The following FRMD4B variants were observed in gnomAD, a reference collection of about 807,000 sequenced individuals.
FRMD4B encodes the protein FERM domain containing 4B, also known as FERM domain-containing protein 4B.
Under a neutral mutation model 141.5 loss-of-function variants are expected in FRMD4B, and 74 were observed. The ratio of observed to expected loss-of-function variants is 0.52; its 90% CI spans 0.43 to 0.63. The LOEUF is 0.63. Ranked by LOEUF, FRMD4B falls within the 30% of genes least tolerant of loss-of-function variation. FRMD4B has a pLI of 0.00. For missense variants in FRMD4B, 1,366 were observed against 1,253.4 expected, an observed-to-expected ratio of 1.09 and a Z score of -1.36; for synonymous variants, 506 against 467.9, an observed-to-expected ratio of 1.08 and a Z score of -1.05.
intron 3 of FRMD4B, among the ~76,000 whole-genome samples, chr3:69,302,976 A>C (rs897937833): frequency 2.0e-5 from 3 of 152,204 alleles, no homozygotes; most frequent in African/African-American, 7.2e-5. Context: ...TGGGAGGCTG[A>C]GGCAGGAGAA....
chr3:69,350,048 G>A (rs556654275), intron 1 of FRMD4B, among the ~76,000 whole-genome samples: 1 of 152,194 alleles, frequency 6.6e-6, no homozygotes, highest in Admixed American at 6.5e-5. Flanking sequence ...CCTATAGAAT[G>A]GGAGAAAATT....
In FRMD4B at chr3:69,195,292, A is replaced by G. The variant is rs1020235757; in HGVS notation, c.1307T>C (p.Leu436Pro). ...TTTTTTCAGAAGTTTTTCTTGTAAT[A>G]GTTTCTCCTTCTTCTTTAGTTCAAG... ...KILELKKKEK[L>P]LQEKLLKKVE... is the part of the protein sequence containing the mutation. Residue 436 changes from leucine (L) to proline (P), a missense_variant, in exon 15 of 23, where the codon CTA becomes CCA. Physicochemically the swap from Leu to Pro is moderately conservative, Grantham distance 98. Transcript: ENST00000398540. 6.2e-7 allele frequency: 1 copy of G among 1,613,310 alleles called. No individual in the cohort carries two copies. Among genetic ancestry groups the G allele is most frequent in the South Asian group, 1.1e-5 (1 of 91,004 alleles).
intron 2 of FRMD4B, among the ~76,000 whole-genome samples, chr3:69,429,976 G>T (rs1006324540): frequency 7.9e-5 from 12 of 151,740 alleles, no homozygotes; most frequent in African/African-American, 2.7e-4. Context: ...GACCATGCTG[G>T]TCTCAAACTC....
In FRMD4B at chr3:69,541,880, G is replaced by C. The variant is rs1487986176; in HGVS notation, c.-129+326C>G. Among the ~76,000 whole-genome samples, 9 of 151,908 alleles carry C rather than the reference G, an allele frequency of 5.9e-5. 1 individual carries two copies. The highest frequency in any genetic ancestry group is 1.9e-4 in the African/African-American group (8 of 41,412). ...TTCTCCCGACCTCCCACGAACGCGC[G>C]GCAACCGAAGCACGCGGTCCCCGGC... On this transcript the variant is annotated intron_variant, in intron 1 of 5. Coordinates refer to the FRMD4B transcript ENST00000459638.
intron 7 of FRMD4B, among the ~76,000 whole-genome samples, chr3:69,225,051 G>A (rs77630589): frequency 0.016 from 2,452 of 151,932 alleles, 72 homozygotes; most frequent in East Asian, 0.071. Context: ...TCATCATGGT[G>A]GAATACTGGT....
intron 1 of FRMD4B, among the ~76,000 whole-genome samples, chr3:69,517,931 C>A (rs6762108): frequency 6.6e-6 from 1 of 152,168 alleles, no homozygotes; most frequent in Non-Finnish European, 1.5e-5. Context: ...CTAGGCTGCA[C>A]CACAGAGTTT....
chr3:69,454,505 T>C (rs1310026917), intron 1 of FRMD4B, among the ~76,000 whole-genome samples: 7 of 152,094 alleles, frequency 4.6e-5, no homozygotes, highest in Non-Finnish European at 1.0e-4. Flanking sequence ...CCAGGTGGGG[T>C]GGGCTCGGCA....
intron 1 of FRMD4B, among the ~76,000 whole-genome samples, chr3:69,475,542 T>A (rs1351889507): frequency 6.6e-6 from 1 of 152,194 alleles, no homozygotes; most frequent in African/African-American, 2.4e-5. Flanking sequence ...GAACTCATCA[T>A]TTTTTATGGC....
chr3:69,402,866 T>C (rs899198333), intron 2 of FRMD4B, among the ~76,000 whole-genome samples: 21 of 152,256 alleles, frequency 1.4e-4, no homozygotes, highest in African/African-American at 4.8e-4. Flanking sequence ...GAGATATACA[T>C]ATGAAAATCA....
At chr3:69,303,582 T>G (rs1007154471) in intron 3 of FRMD4B, among the ~76,000 whole-genome samples, 1 of 152,184 alleles carries the variant, frequency 6.6e-6, no homozygotes, top group Admixed American at 6.5e-5. Context: ...TTATGAAATA[T>G]GAAATATTTT....
At chr3:69,444,601 C>T (rs1472747692) in intron 1 of FRMD4B, among the ~76,000 whole-genome samples, 1 of 152,166 alleles carries the variant, frequency 6.6e-6, no homozygotes, top group Non-Finnish European at 1.5e-5. Context: ...TCACCCCATA[C>T]CTTCCAAATT....
intron 7 of FRMD4B, among the ~76,000 whole-genome samples, chr3:69,244,954 A>G (rs896221421): frequency 1.3e-4 from 20 of 152,374 alleles, no homozygotes; most frequent in Admixed American, 3.3e-4. Flanking sequence ...AAATAAGGCC[A>G]TGATGAACAT....
chr3:69,189,245 A>AAG (rs1553696996), intron 18 of FRMD4B, among the ~76,000 whole-genome samples: 70 of 149,040 alleles, frequency 4.7e-4, no homozygotes, highest in African/African-American at 1.6e-3. Flanking sequence ...AAAAAAAAAA[A>AAG]AGAGAGAGAG....
At chr3:69,313,660 A>C (rs912265018) in intron 1 of FRMD4B, 143 bp from the exon 2 acceptor site, 13 of 616,622 alleles carry the variant, frequency 2.1e-5, no homozygotes, top group African/African-American at 7.4e-5. Context: ...TTGGCCAAAA[A>C]CAGATTTATT....
intron 1 of FRMD4B, among the ~76,000 whole-genome samples, chr3:69,372,243 A>G (rs187343823): frequency 6.6e-6 from 1 of 152,330 alleles, no homozygotes; most frequent in Non-Finnish European, 1.5e-5. Context: ...CTCCCTTGCC[A>G]GCTTCATCCC....
chr3:69,330,961 C>T (rs932126811), intron 1 of FRMD4B, among the ~76,000 whole-genome samples: 1 of 152,198 alleles, frequency 6.6e-6, no homozygotes, highest in African/African-American at 2.4e-5. Context: ...TATGCTCTGT[C>T]GGCAAGTTTC....
chr3:69,277,260 T>TTTTGTTATG (rs1018881033), intron 5 of FRMD4B, among the ~76,000 whole-genome samples: 2 of 152,112 alleles, frequency 1.3e-5, no homozygotes, highest in African/African-American at 4.8e-5. Context: ...TTCTTCTCCA[T>TTTTGTTATG]TTTGTTATGT....
At chr3:69,238,309 C>T (rs1305520439) in intron 7 of FRMD4B, among the ~76,000 whole-genome samples, 2 of 152,170 alleles carry the variant, frequency 1.3e-5, no homozygotes, top group Non-Finnish European at 2.9e-5. Flanking sequence ...ACGGTTTGGC[C>T]TTTAGAACTG....
intron 1 of FRMD4B, among the ~76,000 whole-genome samples, chr3:69,347,398 C>T (rs1033227327): frequency 2.0e-5 from 3 of 152,126 alleles, no homozygotes; most frequent in African/African-American, 7.2e-5. Context: ...TTTTAACACT[C>T]CACTGTCAAC....
Sources: allele counts gnomAD v4.1 joint callset (sites outside exome capture counted in the v4.1 genomes callset), GRCh38; gene constraint gnomAD v4.1.1; transcripts MANE v1.5; gene names NCBI Gene and HGNC (gene_info 2026-07-23, HGNC 2026-07-21).